The following CADPS2 variants were observed in gnomAD, a reference collection of about 807,000 sequenced individuals.
The protein encoded by CADPS2 is calcium dependent secretion activator 2.
CADPS2 carries 93 observed loss-of-function variants against 172.5 expected under a neutral mutation model. The ratio of observed to expected loss-of-function variants is 0.54; its 90% CI spans 0.46 to 0.64. CADPS2 has a LOEUF of 0.64. Ranked by LOEUF, CADPS2 falls within the 30% of genes least tolerant of loss-of-function variation. The pLI is 0.00. For missense variants in CADPS2, 1,420 were observed against 1,565.9 expected (o/e 0.91, Z 1.57); for synonymous variants, 546 against 555.2 (o/e 0.98, Z 0.23).
At chr7:122,697,907 T>G (rs1051269480) in intron 2 of CADPS2, 1 of 1,613,788 alleles carries the variant, frequency 6.2e-7, no homozygotes, top group Middle Eastern at 1.6e-4. Flanking sequence ...GAAACTTCAT[T>G]ATTTGTCTCC....
At chr7:122,629,702 T>C (rs1292335305) in intron 3 of CADPS2, among the ~76,000 whole-genome samples, 2 of 152,112 alleles carry the variant, frequency 1.3e-5, no homozygotes, top group African/African-American at 4.8e-5. Context: ...CTTTGTACTT[T>C]AAAAAAACTC....
At chr7:122,353,435 G>A (rs1292811223) in intron 27 of CADPS2, among the ~76,000 whole-genome samples, 1 of 151,906 alleles carries the variant, frequency 6.6e-6, no homozygotes, top group Admixed American at 6.6e-5. Flanking sequence ...GTACGATTAA[G>A]CCAATGAAGA....
At chr7:122,513,091 T>TTTC (rs2130832089) in intron 9 of CADPS2, among the ~76,000 whole-genome samples, 158 bp downstream of exon 9, 1 of 152,320 alleles carries the variant, frequency 6.6e-6, no homozygotes, top group East Asian at 1.9e-4. Context: ...ACATAAAAAC[T>TTTC]TTAGTGTTAG....
chr7:122,537,768 T>C (rs868605125), intron 8 of CADPS2, among the ~76,000 whole-genome samples: 5 of 151,796 alleles, frequency 3.3e-5, no homozygotes, highest in Non-Finnish European at 7.4e-5. Context: ...TTAATACAAA[T>C]GTATTAGTCC....
chr7:122,681,376 T>C, intron 2 of CADPS2: 3 of 1,498,582 alleles, frequency 2.0e-6, no homozygotes, highest in Non-Finnish European at 9.2e-7. Flanking sequence ...GTGCAACCTG[T>C]TCGCTGTACT....
At chr7:122,637,638 A>T (rs1248494894) in intron 3 of CADPS2, among the ~76,000 whole-genome samples, 1 of 152,198 alleles carries the variant, frequency 6.6e-6, no homozygotes. Context: ...GTTGCTACCC[A>T]GATTCTGAAT....
At chr7:122,667,374 T>G (rs888236937) in intron 2 of CADPS2, among the ~76,000 whole-genome samples, 1 of 152,216 alleles carries the variant, frequency 6.6e-6, no homozygotes, top group East Asian at 1.9e-4. Flanking sequence ...AGAGCTAGAT[T>G]CCACCAAGTA....
Position 122,390,932 on chromosome 7 carries a change from GA to G in CADPS2, c.3009-2195del, listed in dbSNP as rs372899187. On this transcript the variant is annotated intron_variant, in intron 22 of 29. Coordinates refer to ENST00000449022, the MANE Select transcript of CADPS2 (RefSeq NM_017954.11). ...TAACTTGCTGGCATTCATTTCTAGA[GA>G]AAAAAAAACAGAATAAAGATTTATA... Among the ~76,000 whole-genome samples the G allele has an allele frequency of 5.4e-3, 807 of 149,218 alleles. 4 individuals carry two copies. Among genetic ancestry groups the G allele is most frequent in the Admixed American group, 8.9e-3 (133 of 14,960 alleles).
intron 25 of CADPS2, among the ~76,000 whole-genome samples, chr7:122,367,062 C>T (rs1314835177): frequency 1.3e-5 from 2 of 152,112 alleles, no homozygotes; most frequent in South Asian, 2.1e-4. Context: ...CTCCTAATAT[C>T]GTATGCTATT....
intron 1 of CADPS2, among the ~76,000 whole-genome samples, chr7:122,802,419 C>T (rs1797854698): frequency 6.6e-6 from 1 of 152,178 alleles, no homozygotes; most frequent in South Asian, 2.1e-4. Context: ...CTTCGGTAAT[C>T]GCTGGTCAGT....
chr7:122,735,949 A>C (rs1435854266), intron 2 of CADPS2, among the ~76,000 whole-genome samples: 1 of 152,150 alleles, frequency 6.6e-6, no homozygotes, highest in Non-Finnish European at 1.5e-5. Context: ...ATAGATGTTA[A>C]AATTTTGAGC....
intron 6 of CADPS2, among the ~76,000 whole-genome samples, chr7:122,586,826 G>A (rs1362066217): frequency 6.6e-6 from 1 of 151,812 alleles, no homozygotes; most frequent in African/African-American, 2.4e-5. Context: ...TTGTCTGACT[G>A]TTGCACATAT....
intron 1 of CADPS2, among the ~76,000 whole-genome samples, chr7:122,820,274 C>A (rs1023578767): frequency 2.0e-5 from 3 of 152,290 alleles, no homozygotes; most frequent in African/African-American, 7.2e-5. Flanking sequence ...ATTACCTAGG[C>A]TGCACTGCCA....
chr7:122,644,625 T>C (rs2078100286), intron 3 of CADPS2, among the ~76,000 whole-genome samples: 1 of 152,210 alleles, frequency 6.6e-6, no homozygotes, highest in South Asian at 2.1e-4. Flanking sequence ...ATCCCCTCTG[T>C]GTTGACCCAT....
At chr7:122,758,928 A>G (rs903737064) in intron 1 of CADPS2, among the ~76,000 whole-genome samples, 1 of 152,148 alleles carries the variant, frequency 6.6e-6, no homozygotes, top group African/African-American at 2.4e-5. Context: ...TAATTAAAGC[A>G]TACGTTTGTT....
At chr7:122,443,854 C>T (rs2402611) in intron 15 of CADPS2, among the ~76,000 whole-genome samples, 39,604 of 151,626 alleles carry the variant, frequency 0.26, 5,528 homozygotes, top group East Asian at 0.36. Flanking sequence ...CTTTCCACTA[C>T]GGAAGAGAAG....
At chr7:122,858,571 A>G (rs1307938475) in intron 1 of CADPS2, among the ~76,000 whole-genome samples, 1 of 152,234 alleles carries the variant, frequency 6.6e-6, no homozygotes, top group Non-Finnish European at 1.5e-5. Flanking sequence ...TTCAAGTGTC[A>G]GTTAATCACA....
intron 2 of CADPS2, chr7:122,698,255 T>G (rs750782578): frequency 1.2e-6 from 2 of 1,614,028 alleles, no homozygotes; most frequent in Admixed American, 3.3e-5. Flanking sequence ...CGCTGCCATC[T>G]CCGGTTCTGA....
At chr7:122,630,191 T>TA (rs757716891) in intron 3 of CADPS2, among the ~76,000 whole-genome samples, 23 of 152,128 alleles carry the variant, frequency 1.5e-4, no homozygotes, top group Middle Eastern at 3.2e-3. Context: ...AAGGACCATC[T>TA]AAAGATTCGA....
Sources: allele counts gnomAD v4.1 joint callset (sites outside exome capture counted in the v4.1 genomes callset), GRCh38; gene constraint gnomAD v4.1.1; transcripts MANE v1.5; gene names NCBI Gene and HGNC (gene_info 2026-07-23, HGNC 2026-07-21).